Variants in ACO2 observed in about 807,000 individuals in gnomAD.
ACO2 encodes aconitase 2, also known as aconitate hydratase, mitochondrial.
ACO2 carries 31 observed loss-of-function variants against 84.5 expected under a neutral mutation model. The observed-to-expected ratio is 0.37, with a 90% CI of 0.28 to 0.50. The LOEUF (loss-of-function observed/expected upper bound fraction) is 0.50. ACO2 is among the 20% of genes least tolerant of loss of function. The probability of loss-of-function intolerance (pLI) is 0.97; values close to 1 mark genes in which losing one functional copy is unlikely to be tolerated. For missense variants in ACO2, 685 were observed against 1,029.3 expected (o/e 0.67, Z 4.58); for synonymous variants, 414 against 412.7 (o/e 1.00, Z -0.04).
At chr22:41,489,918 G>A (rs931543751) in intron 1 of ACO2, among the ~76,000 whole-genome samples, 6 of 152,076 alleles carry the variant, frequency 3.9e-5, no homozygotes, top group South Asian at 2.1e-4. Context: ...TCAAATTGCC[G>A]CTAAACAATT....
chr22:41,497,609 G>A lies in ACO2; in HGVS notation c.37-2117G>A, dbSNP rs534074949. 2.6e-5 allele frequency among the ~76,000 whole-genome samples: 4 copies of A among 152,180 alleles called. No individual in the cohort carries two copies. The South Asian group carries it at 6.2e-4, about 24-fold the overall frequency. ...TAAACCTAAAAGAATTAGGGTGGGC[G>A]CAGTGGCTCACGCCTGTAATCCTAG... On this transcript the variant is annotated intron_variant, in intron 1 of 17. Coordinates refer to ENST00000216254, the MANE Select transcript of ACO2 (RefSeq NM_001098.3).
At chr22:41,497,325 T>C (rs1184318449) in intron 1 of ACO2, among the ~76,000 whole-genome samples, 1 of 151,974 alleles carries the variant, frequency 6.6e-6, no homozygotes, top group Non-Finnish European at 1.5e-5. Flanking sequence ...TGCCTCAGCC[T>C]CCCAAAGTGC....
At chr22:41,493,005 G>C (rs2066283944) in intron 1 of ACO2, among the ~76,000 whole-genome samples, 1 of 152,148 alleles carries the variant, frequency 6.6e-6, no homozygotes, top group Non-Finnish European at 1.5e-5. Context: ...TGGGAAGTCC[G>C]AGATTGAGGG....
chr22:41,486,692 G>A (rs567339918), intron 1 of ACO2, among the ~76,000 whole-genome samples: 2 of 151,798 alleles, frequency 1.3e-5, no homozygotes, highest in South Asian at 2.1e-4. Context: ...GGATGGTCTC[G>A]ATCTCCTGAC....
At chr22:41,519,930 G>A (rs546789932) in intron 8 of ACO2, among the ~76,000 whole-genome samples, 20 of 152,310 alleles carry the variant, frequency 1.3e-4, no homozygotes, top group African/African-American at 4.8e-4. Context: ...AGCACAGCAT[G>A]TCACTTCTGA....
intron 8 of ACO2, among the ~76,000 whole-genome samples, 196 bp downstream of exon 8, chr22:41,518,768 T>C (rs1435252003): frequency 6.9e-6 from 1 of 144,854 alleles, no homozygotes; most frequent in Non-Finnish European, 1.5e-5. Context: ...ACCCCGTCTC[T>C]ACTAAAAAAA....
At position 41,482,328 on chromosome 22, in the gene ACO2, G is replaced by T. The variant is rs891551963; in HGVS notation, c.36+13146G>T. Among the ~76,000 whole-genome samples the T allele has an allele frequency of 3.5e-4, 54 of 152,258 alleles. 1 individual carries two copies. The highest frequency in any genetic ancestry group is 1.3e-4 in the Non-Finnish European group (9 of 68,040). Reference sequence around the variant, plus strand: ...GTTGGGAGACACTGTCGGTAGCACAGGGAGAAAGTCTCGGCCTCTGCAAGT... The same window carrying T: ...GTTGGGAGACACTGTCGGTAGCACATGGAGAAAGTCTCGGCCTCTGCAAGT... On this transcript the variant is annotated intron_variant, in intron 1 of 17. Transcript: ENST00000216254.
At chr22:41,470,076 T>C (rs2037925066) in intron 1 of ACO2, among the ~76,000 whole-genome samples, 1 of 152,186 alleles carries the variant, frequency 6.6e-6, no homozygotes, top group African/African-American at 2.4e-5. Context: ...GAGACTCCAG[T>C]TTGACCTTGA....
intron 2 of ACO2, among the ~76,000 whole-genome samples, chr22:41,504,711 C>CTTTTTTTTTTTTTTTTTTTTTTTTT (rs926246283): frequency 2.1e-5 from 1 of 48,604 alleles, no homozygotes; most frequent in Non-Finnish European, 4.0e-5. Context: ...ACCTTAGGGA[C>CTTTTTTTTTTTTTTTTTTTTTTTTT]TTTTTTTTTT....
chr22:41,497,664 C>A (rs961088237), intron 1 of ACO2, among the ~76,000 whole-genome samples: 3 of 152,074 alleles, frequency 2.0e-5, no homozygotes, highest in Non-Finnish European at 4.4e-5. Context: ...AGGTGGATCA[C>A]CTGAGGTCAG....
intron 1 of ACO2, 147 bp from the exon 2 acceptor site, chr22:41,499,579 T>C: frequency 1.2e-6 from 1 of 854,950 alleles, no homozygotes; most frequent in South Asian, 1.7e-5. Context: ...GTCATCCCTG[T>C]CCTGCAGATG....
intron 1 of ACO2, among the ~76,000 whole-genome samples, chr22:41,481,647 T>C (rs890326581): frequency 2.6e-5 from 4 of 152,228 alleles, no homozygotes; most frequent in Non-Finnish European, 5.9e-5. Flanking sequence ...TGGGTGTACA[T>C]GTGATGTGCC....
In ACO2 at chr22:41,509,815, C is replaced by CTTT. The variant is rs137832; in HGVS notation, c.432+1784_432+1786dup. Among the ~76,000 whole-genome samples the CTTT allele has an allele frequency of 3.4e-3, 365 of 107,826 alleles. 11 individuals carry two copies. The highest frequency in any genetic ancestry group is 5.3e-3 in the Middle Eastern group (1 of 190). The allele number at this position is 107,826 out of a possible 152,430, so 70.7% of individuals were successfully genotyped here. ...AGTTTAAGCGGAGAAAGAATATGGT[C>CTTT]TTTTTTTTTTTTTTTTTTTTGAGAC... On this transcript the variant is annotated intron_variant, in intron 3 of 17. Transcript: ENST00000216254.
At chr22:41,478,560 T>C (rs2038047480) in intron 1 of ACO2, among the ~76,000 whole-genome samples, 1 of 152,206 alleles carries the variant, frequency 6.6e-6, no homozygotes, top group African/African-American at 2.4e-5. Context: ...TTTAGAGTTA[T>C]ATTTGCAGTA....
intron 6 of ACO2, among the ~76,000 whole-genome samples, chr22:41,517,015 A>G (rs901623423): frequency 1.3e-5 from 2 of 152,080 alleles, no homozygotes; most frequent in Non-Finnish European, 2.9e-5. Flanking sequence ...AGACACAGAA[A>G]AGTGTCTCCA....
At position 41,515,311 on chromosome 22, in the gene ACO2, G is replaced by T; in HGVS notation, c.526-66G>T. 1.3e-6 allele frequency: 2 copies of T among 1,593,732 alleles called. No individual in the cohort carries two copies. Among genetic ancestry groups the T allele is most frequent in the Non-Finnish European group, 8.6e-7 (1 of 1,164,124 alleles). ...GACGTGGTTGGGAGGCCCCGGGTCA[G>T]TGGGGCCATTTTTTGGTATTCTCGG... is the stretch of plus-strand genomic sequence containing the variant. On this transcript the variant is annotated intron_variant, in intron 4 of 17. Coordinates refer to ENST00000216254, the MANE Select transcript of ACO2 (RefSeq NM_001098.3). This position sits in a 1 kb window ranked among gnomAD's most constrained non-coding sequence, Gnocchi z 5.8.
intron 2 of ACO2, among the ~76,000 whole-genome samples, chr22:41,505,525 G>T (rs547869767): frequency 6.6e-6 from 1 of 152,068 alleles, no homozygotes; most frequent in South Asian, 2.1e-4. Flanking sequence ...GTAGATTAGC[G>T]TCAGGAGCAC....
At chr22:41,507,670 G>A in intron 2 of ACO2, 121 bp from the exon 3 acceptor site, 3 of 1,386,196 alleles carry the variant, frequency 2.2e-6, no homozygotes, top group Middle Eastern at 2.6e-4. Flanking sequence ...TTGAGGTCCT[G>A]AGTTCAGACT....
chr22:41,513,463 T>C (rs2066451884), intron 4 of ACO2, among the ~76,000 whole-genome samples: 1 of 152,220 alleles, frequency 6.6e-6, no homozygotes, highest in Non-Finnish European at 1.5e-5. Flanking sequence ...CTGAACCCCT[T>C]TCCCTCTGGG....
Sources: allele counts gnomAD v4.1 joint callset (sites outside exome capture counted in the v4.1 genomes callset), GRCh38; gene constraint gnomAD v4.1.1; non-coding constraint Gnocchi (gnomAD v3.1); transcripts MANE v1.5; gene names NCBI Gene and HGNC (gene_info 2026-07-23, HGNC 2026-07-21).